Variants in CLTC observed in about 807,000 individuals in gnomAD.
The protein encoded by CLTC is clathrin heavy chain.
A neutral mutation model predicts 195.8 loss-of-function variants in CLTC; 16 were observed. The observed-to-expected ratio is 0.08, with a 90% CI of 0.06 to 0.12. The LOEUF (loss-of-function observed/expected upper bound fraction) is 0.12. Among genes scored for constraint, CLTC ranks in the 10% least tolerant of loss-of-function variants. CLTC has a pLI of 1.00. For synonymous variants in CLTC, 667 were observed against 689.4 expected (o/e 0.97, Z 0.51); for missense variants, 796 against 2,027.0 (o/e 0.39, Z 11.66).
chr17:59,692,388 C>T (rs1422765209), intron 31 of CLTC, among the ~76,000 whole-genome samples: 1 of 152,168 alleles, frequency 6.6e-6, no homozygotes, highest in Non-Finnish European at 1.5e-5. Flanking sequence ...CCACAAAAAG[C>T]AAAGACATGA....
Position 59,648,247 on chromosome 17 carries a change from G to A in CLTC, c.527G>A (p.Arg176His), listed in dbSNP as rs2143508027. ...LLTGISAQQN[R>H]VVGAMQLYSV... The stretch of plus-strand genomic sequence containing the variant: ...CTCTTTGATCCTTTATAGCAAAATC[G>A]TGTGGTGGGAGCTATGCAGCTATAT... The change falls in exon 4 of 32, where the codon CGT (arginine) becomes CAT (histidine). Residue 176 changes from arginine to histidine, a missense_variant. Arg to His is a conservative substitution (Grantham distance 29, BLOSUM62 0). Coordinates refer to ENST00000269122, the MANE Select transcript of CLTC (RefSeq NM_004859.4). The surrounding 1 kb of genome is among the most constrained non-coding windows in gnomAD (Gnocchi z 4.5). 3.7e-6 allele frequency: 6 copies of A among 1,609,622 alleles called. No homozygotes were observed. Among genetic ancestry groups the A allele is most frequent in the Non-Finnish European group, 4.2e-6 (5 of 1,178,176 alleles).
intron 30 of CLTC, 138 bp from the exon 31 acceptor site, chr17:59,690,498 G>T: frequency 3.4e-6 from 2 of 587,330 alleles, no homozygotes. Context: ...CATTGAATTT[G>T]AGGGGGACTG....
Position 59,620,107 on chromosome 17 carries a change from G to A in CLTC, c.-25G>A. 1 of 1,613,982 alleles carries A rather than the reference G, an allele frequency of 6.2e-7. No individual in the cohort carries two copies. The highest frequency in any genetic ancestry group is 8.5e-7 in the Non-Finnish European group (1 of 1,179,874). Reference sequence around the variant, plus strand: ...CTGCCCCGCAGCCCCAGTGACAGGAGGAGACCATAACCCCCGACAGCGCCA... The same window carrying A: ...CTGCCCCGCAGCCCCAGTGACAGGAAGAGACCATAACCCCCGACAGCGCCA... On this transcript the variant is annotated 5_prime_UTR_variant, in exon 1 of 32. Transcript: ENST00000269122.
At chr17:59,659,310 C>T (rs2032551725) in intron 6 of CLTC, among the ~76,000 whole-genome samples, 1 of 151,962 alleles carries the variant, frequency 6.6e-6, no homozygotes, top group South Asian at 2.1e-4. Flanking sequence ...TGGCAGTTGA[C>T]AGTAGTTCAG....
At chr17:59,621,689 A>G (rs538051339) in intron 1 of CLTC, among the ~76,000 whole-genome samples, 28 of 152,236 alleles carry the variant, frequency 1.8e-4, no homozygotes, top group Non-Finnish European at 3.4e-4. Flanking sequence ...ATCTGAAGTA[A>G]TGGAATATAC....
At position 59,674,893 on chromosome 17, in the gene CLTC, T is replaced by C. The variant is rs145976088; in HGVS notation, c.2561+50T>C. On this transcript the variant is annotated intron_variant, in intron 16 of 31. Coordinates refer to ENST00000269122, the MANE Select transcript of CLTC (RefSeq NM_004859.4). Reference sequence around the variant, plus strand: ...AAGTTACTCTTTCTTAACATGGCAATAGATAAAAATATAGGTAGTCATTTG... The same window carrying C: ...AAGTTACTCTTTCTTAACATGGCAACAGATAAAAATATAGGTAGTCATTTG... 448 of 1,539,174 alleles carry C rather than the reference T, an allele frequency of 2.9e-4. 1 individual carries two copies. The African/African-American group carries it at 5.6e-3, about 19-fold the overall frequency.
Position 59,620,120 on chromosome 17 carries a change from C to T in CLTC, c.-12C>T, listed in dbSNP as rs202121264. On this transcript the variant is annotated 5_prime_UTR_variant, in exon 1 of 32. Coordinates refer to ENST00000269122, the MANE Select transcript of CLTC (RefSeq NM_004859.4). ...CCAGTGACAGGAGGAGACCATAACC[C>T]CCGACAGCGCCATGGCCCAGATTCT... is the stretch of plus-strand genomic sequence containing the variant. 3.1e-6 allele frequency: 5 copies of T among 1,614,100 alleles called. No individual in the cohort carries two copies. Among genetic ancestry groups the T allele is most frequent in the Non-Finnish European group, 4.2e-6 (5 of 1,180,010 alleles).
At chr17:59,649,487 C>T (rs2032276449) in intron 4 of CLTC, among the ~76,000 whole-genome samples, 1 of 152,118 alleles carries the variant, frequency 6.6e-6, no homozygotes, top group Admixed American at 6.5e-5. Flanking sequence ...TTTGGTGCTC[C>T]TAAAACAGAA....
At chr17:59,642,223 G>C (rs1598210193) in intron 1 of CLTC, among the ~76,000 whole-genome samples, 1 of 152,104 alleles carries the variant, frequency 6.6e-6, no homozygotes, top group Non-Finnish European at 1.5e-5. Flanking sequence ...GAAGGAATCT[G>C]TTAGAATCAC....
intron 30 of CLTC, among the ~76,000 whole-genome samples, chr17:59,688,467 TTTAG>T (rs1444427599): frequency 1.3e-5 from 2 of 152,344 alleles, no homozygotes; most frequent in East Asian, 3.9e-4. Context: ...GATCAGAAAC[TTTAG>T]TTACAGCTCT....
Position 59,641,493 on chromosome 17 carries a change from C to T in CLTC, c.43-2783C>T, listed in dbSNP as rs955267016. ...GCGCACTCCTGTAGTCCCAGCTACTCGGGAGGCTGAGGCAGGAGAATCACT... is the reference window on the plus strand; with the variant it reads ...GCGCACTCCTGTAGTCCCAGCTACTTGGGAGGCTGAGGCAGGAGAATCACT... On this transcript the variant is annotated intron_variant, in intron 1 of 31. Transcript: ENST00000269122. 4.2e-5 allele frequency among the ~76,000 whole-genome samples: 6 copies of T among 142,052 alleles called. No individual in the cohort carries two copies. The East Asian group carries it at 1.1e-3, about 27-fold the overall frequency. 93.2% of individuals were successfully genotyped at this position (142,052 alleles called of 152,430 possible). A position where few individuals can be genotyped will look rare whatever the true frequency, so the allele number is the denominator to read the frequency against.
Position 59,666,233 on chromosome 17 carries a change from C to A in CLTC, c.1775C>A (p.Ala592Glu). The A allele has an allele frequency of 6.2e-7, 1 of 1,613,664 alleles. No individual in the cohort carries two copies. The highest frequency in any genetic ancestry group is 1.7e-5 in the Admixed American group (1 of 59,988). Residue 592 changes from alanine to glutamate, a missense_variant, in exon 11 of 32, where the codon GCG becomes GAG. Transcript: ENST00000269122. The surrounding 1 kb of genome is among the most constrained non-coding windows in gnomAD (Gnocchi z 4.9). The stretch of plus-strand genomic sequence containing the variant: ...TTACTTGAGATGAACCTTATGCATG[C>A]GCCTCAAGTATGTGTTTTAATGCTT... ...TRLLEMNLMH[A>E]PQVADAILGN...
chr17:59,680,231 A>C (rs1293924819), intron 18 of CLTC, among the ~76,000 whole-genome samples: 3 of 152,074 alleles, frequency 2.0e-5, no homozygotes, highest in Non-Finnish European at 4.4e-5. Flanking sequence ...AGAAAAATAT[A>C]AGGATAAGAG....
At chr17:59,620,209 A>T in intron 1 of CLTC, 36 bp downstream of exon 1, 2 of 1,610,814 alleles carry the variant, frequency 1.2e-6, no homozygotes, top group Non-Finnish European at 1.7e-6. Context: ...GGCTGTGGAG[A>T]AGGTGGTAGG....
At chr17:59,652,532 A>G (rs574270674) in intron 5 of CLTC, among the ~76,000 whole-genome samples, 1 of 152,320 alleles carries the variant, frequency 6.6e-6, no homozygotes, top group East Asian at 1.9e-4. Context: ...ACATGAAAGC[A>G]ATATTAATCT....
At chr17:59,667,330 C>T (rs1156963172) in intron 13 of CLTC, among the ~76,000 whole-genome samples, 3 of 152,134 alleles carry the variant, frequency 2.0e-5, no homozygotes, top group East Asian at 1.9e-4. Flanking sequence ...ACCAACATAA[C>T]GCTCAAAGGA....
At chr17:59,640,544 G>A (rs1445020354) in intron 1 of CLTC, among the ~76,000 whole-genome samples, 1 of 151,834 alleles carries the variant, frequency 6.6e-6, no homozygotes, top group East Asian at 2.0e-4. Context: ...CTACAGGCGT[G>A]TGCCACCATG....
chr17:59,656,212 T>A (rs1217181534), intron 6 of CLTC, 185 bp downstream of exon 6: 1 of 503,164 alleles, frequency 2.0e-6, no homozygotes, highest in Admixed American at 4.0e-5. Flanking sequence ...CAAAGCACGA[T>A]GTAAGCTGAT....
chr17:59,685,472 C>CT lies in CLTC; in HGVS notation c.4606-109dup. The stretch of plus-strand genomic sequence containing the variant: ...TAATTTAAATGATACAACTAGGAGG[C>CT]TTTTTTCCCCTTGCAAAACCAGATT... On this transcript the variant is annotated intron_variant, in intron 29 of 31. Transcript: ENST00000269122. This position sits in a 1 kb window ranked among gnomAD's most constrained non-coding sequence, Gnocchi z 5.0. The CT allele has an allele frequency of 1.0e-6, 1 of 980,280 alleles. No homozygotes were observed. Among genetic ancestry groups the CT allele is most frequent in the Non-Finnish European group, 1.5e-6 (1 of 669,644 alleles). The allele number at this position is 980,280 out of a possible 1,614,324, so 60.7% of individuals were successfully genotyped here. A position where few individuals can be genotyped will look rare whatever the true frequency, so the allele number is the denominator to read the frequency against.
Sources: gnomAD v4.1 joint callset for allele counts (sites outside exome capture counted in the v4.1 genomes callset) on GRCh38, gnomAD v4.1.1 for gene constraint, Gnocchi (gnomAD v3.1) non-coding constraint, MANE v1.5 for transcripts, NCBI Gene and HGNC (gene_info 2026-07-23, HGNC 2026-07-21) for gene names.